The following MECOM variants were observed in gnomAD, a reference collection of about 807,000 sequenced individuals.
The protein encoded by MECOM is MDS1 and EVI1 complex locus.
MECOM carries 13 observed loss-of-function variants against 116.3 expected under a neutral mutation model. That is an observed-to-expected ratio of 0.11 (90% CI 0.07 to 0.18). The LOEUF (loss-of-function observed/expected upper bound fraction) is 0.18. MECOM is among the 10% of genes least tolerant of loss of function. The pLI is 1.00. For synonymous variants in MECOM, 528 were observed against 535.2 expected, an observed-to-expected ratio of 0.99 and a Z score of 0.19; for missense variants, 1,299 against 1,509.0, an observed-to-expected ratio of 0.86 and a Z score of 2.31.
At chr3:169,529,867 C>T (rs1309061578) in intron 1 of MECOM, among the ~76,000 whole-genome samples, 1 of 152,118 alleles carries the variant, frequency 6.6e-6, no homozygotes, top group Admixed American at 6.6e-5. Flanking sequence ...GAGGATATTG[C>T]CCCATGTCAG....
chr3:169,205,471 C>T (rs1441474100), intron 2 of MECOM, among the ~76,000 whole-genome samples: 1 of 152,154 alleles, frequency 6.6e-6, no homozygotes, highest in African/African-American at 2.4e-5. Context: ...CTGTACATTC[C>T]ATTCCCTTCT....
intron 1 of MECOM, among the ~76,000 whole-genome samples, chr3:169,500,949 GA>G (rs1005120299): frequency 6.6e-6 from 1 of 151,866 alleles, no homozygotes; most frequent in Admixed American, 6.6e-5. Flanking sequence ...AAAGTTTTAA[GA>G]AAAATCAATT....
intron 2 of MECOM, among the ~76,000 whole-genome samples, chr3:169,371,049 A>C (rs1730017137): frequency 6.6e-6 from 1 of 152,044 alleles, no homozygotes; most frequent in South Asian, 2.1e-4. Context: ...CATCTCAATG[A>C]GATGTCTGCA....
intron 2 of MECOM, among the ~76,000 whole-genome samples, chr3:169,343,057 C>T (rs529918942): frequency 2.1e-4 from 32 of 152,012 alleles, no homozygotes; most frequent in African/African-American, 7.0e-4. Flanking sequence ...CAGAGGGAAA[C>T]GGGTATGAAA....
intron 2 of MECOM, among the ~76,000 whole-genome samples, chr3:169,334,101 T>C (rs1723194363): frequency 6.6e-6 from 1 of 152,188 alleles, no homozygotes; most frequent in African/African-American, 2.4e-5. Flanking sequence ...GCTGGCTCTC[T>C]TCTGCTTTCT....
chr3:169,101,948 A>T, intron 11 of MECOM, 112 bp downstream of exon 11: 1 of 968,612 alleles, frequency 1.0e-6, no homozygotes, highest in Non-Finnish European at 1.5e-6. Flanking sequence ...GAGATCTATT[A>T]TGGTGGCTAT....
At chr3:169,089,282 T>C (rs917674562) in intron 15 of MECOM, 99 bp from the exon 16 acceptor site, 4 of 822,166 alleles carry the variant, frequency 4.9e-6, no homozygotes, top group Non-Finnish European at 6.8e-6. Context: ...ACAAACTTCA[T>C]ATTGTATCTG....
At chr3:169,167,471 T>A (rs1304122595) in intron 2 of MECOM, among the ~76,000 whole-genome samples, 1 of 152,190 alleles carries the variant, frequency 6.6e-6, no homozygotes, top group Non-Finnish European at 1.5e-5. Flanking sequence ...TCCCGCATGA[T>A]GGAAGAAAAG....
At chr3:169,199,232 C>T (rs1021960431) in intron 2 of MECOM, among the ~76,000 whole-genome samples, 2 of 151,958 alleles carry the variant, frequency 1.3e-5, no homozygotes, top group Admixed American at 1.3e-4. Context: ...TTAGAACCTG[C>T]TTTGAGGTTA....
intron 2 of MECOM, among the ~76,000 whole-genome samples, chr3:169,196,972 C>A (rs1748490062): frequency 6.6e-6 from 1 of 152,026 alleles, no homozygotes; most frequent in African/African-American, 2.4e-5. Context: ...CCATGGAATA[C>A]TATGCAGCCA....
chr3:169,472,499 AAAGG>A (rs1749469418), intron 1 of MECOM, among the ~76,000 whole-genome samples: 5 of 88,202 alleles, frequency 5.7e-5, no homozygotes, highest in African/African-American at 1.5e-4. Context: ...AAAGGAAAGG[AAAGG>A]AAAGGAAAGG....
intron 1 of MECOM, among the ~76,000 whole-genome samples, chr3:169,595,793 G>C (rs184042604): frequency 6.6e-6 from 1 of 152,264 alleles, no homozygotes; most frequent in African/African-American, 2.4e-5. Context: ...TACGTATACT[G>C]TGGGGACTCC....
intron 1 of MECOM, among the ~76,000 whole-genome samples, chr3:169,461,785 G>A (rs1747489054): frequency 6.6e-6 from 1 of 152,118 alleles, no homozygotes; most frequent in Non-Finnish European, 1.5e-5. Flanking sequence ...AACCTTTATA[G>A]AAAGCATGAT....
chr3:169,149,429 G>T (rs538464316), intron 2 of MECOM: 21 of 181,188 alleles, frequency 1.2e-4, no homozygotes, highest in African/African-American at 3.1e-4. Flanking sequence ...GGCTTCGGGT[G>T]GGGGGAGGCG....
At chr3:169,142,697 T>C (rs528066191) in intron 3 of MECOM, among the ~76,000 whole-genome samples, 5 of 152,102 alleles carry the variant, frequency 3.3e-5, no homozygotes, top group African/African-American at 9.6e-5. Context: ...AATTATCTGG[T>C]AGCTGGTACG....
intron 2 of MECOM, among the ~76,000 whole-genome samples, chr3:169,226,100 C>T (rs1752696321): frequency 6.6e-6 from 1 of 152,224 alleles, no homozygotes; most frequent in Non-Finnish European, 1.5e-5. Context: ...CCCATCTTGC[C>T]TAACCTAGAT....
chr3:169,364,779 T>C (rs576759148), intron 2 of MECOM, among the ~76,000 whole-genome samples: 38 of 152,106 alleles, frequency 2.5e-4, no homozygotes, highest in South Asian at 8.3e-4. Context: ...AAATTGATGA[T>C]GAAAGCAAAC....
intron 2 of MECOM, among the ~76,000 whole-genome samples, chr3:169,225,074 G>C (rs758040303): frequency 1.3e-5 from 2 of 152,154 alleles, no homozygotes; most frequent in Non-Finnish European, 2.9e-5. Context: ...TCAAAGCAGA[G>C]ATGATATTGA....
At chr3:169,603,570 T>C (rs1319654766) in intron 1 of MECOM, among the ~76,000 whole-genome samples, 2 of 152,240 alleles carry the variant, frequency 1.3e-5, no homozygotes, top group Non-Finnish European at 2.9e-5. Flanking sequence ...CAACTTCCAG[T>C]CCTGCAAGCT....
Sources: allele counts gnomAD v4.1 joint callset (sites outside exome capture counted in the v4.1 genomes callset), GRCh38; gene constraint gnomAD v4.1.1; transcripts MANE v1.5; gene names NCBI Gene and HGNC (gene_info 2026-07-23, HGNC 2026-07-21).